Variants in MFSD11 observed in about 807,000 individuals in gnomAD.
MFSD11 encodes UNC93-like protein MFSD11.
In MFSD11, 36 loss-of-function variants were observed where a neutral mutation model predicts 53.5. The ratio of observed to expected loss-of-function variants is 0.67; its 90% confidence interval spans 0.52 to 0.89. The LOEUF is 0.89. Among genes scored for constraint, MFSD11 ranks in the 40% least tolerant of loss-of-function variants. The probability of loss-of-function intolerance (pLI) is 0.00; values close to 1 mark genes in which losing one functional copy is unlikely to be tolerated. For missense variants in MFSD11, 530 were observed against 543.9 expected (o/e 0.97, Z 0.25); for synonymous variants, 186 against 184.9 (o/e 1.01, Z -0.05).
At chr17:76,740,261 T>C (rs2144069377) in intron 2 of MFSD11, among the ~76,000 whole-genome samples, 1 of 152,154 alleles carries the variant, frequency 6.6e-6, no homozygotes, top group East Asian at 1.9e-4. Context: ...TTACTTTGGA[T>C]TTATGAATAG....
chr17:76,778,269 T>A lies in MFSD11; in HGVS notation c.1267T>A (p.Phe423Ile). The change falls in exon 13 of 13, where the codon TTT becomes ATT. Residue 423 changes from phenylalanine to isoleucine, a missense_variant. Physicochemically the swap from Phe to Ile is conservative, Grantham distance 21. Coordinates refer to ENST00000685175, the MANE Select transcript of MFSD11 (RefSeq NM_001242532.5). ...WQLLVMVIFG[F>I]FGTISFFTVE... ...ACTCCTGGTCATGGTGATATTTGGG[T>A]TTTTTGGAACAATTTCTTTCTTCAC... The A allele has an allele frequency of 6.2e-7, 1 of 1,614,122 alleles. No individual in the cohort carries two copies. The highest frequency in any genetic ancestry group is 8.5e-7 in the Non-Finnish European group (1 of 1,180,018).
chr17:76,737,360 TA>T, upstream of MFSD11: 1 of 623,828 alleles, frequency 1.6e-6, no homozygotes. Context: ...TGCGCCCGTT[TA>T]TATCGCTCCT....
the MFSD11 span, among the ~76,000 whole-genome samples, chr17:76,797,426 C>A: frequency 1.3e-5 from 2 of 152,080 alleles, no homozygotes; most frequent in African/African-American, 4.8e-5. Flanking sequence ...TAAACTGTCA[C>A]GGCTCTAGTG....
intron 7 of MFSD11, among the ~76,000 whole-genome samples, chr17:76,745,616 A>C (rs1019392226): frequency 6.6e-6 from 1 of 152,212 alleles, no homozygotes; most frequent in African/African-American, 2.4e-5. Context: ...ACCACAAACC[A>C]GATCCATATA....
chr17:76,749,098 C>A (rs1422878567), intron 7 of MFSD11, among the ~76,000 whole-genome samples: 4 of 152,022 alleles, frequency 2.6e-5, no homozygotes, highest in African/African-American at 9.7e-5. Flanking sequence ...TATAATTCAC[C>A]CATCTAAAGT....
intron 8 of MFSD11, 151 bp downstream of exon 8, chr17:76,754,238 T>C (rs2079350237): frequency 1.6e-6 from 1 of 610,136 alleles, no homozygotes; most frequent in Non-Finnish European, 2.9e-6. Flanking sequence ...ATCTTCCTTA[T>C]CAACATCTCT....
At chr17:76,773,587 T>C (rs1345770009) in intron 10 of MFSD11, among the ~76,000 whole-genome samples, 1 of 152,212 alleles carries the variant, frequency 6.6e-6, no homozygotes, top group Non-Finnish European at 1.5e-5. Context: ...TGTTTTGTTT[T>C]GTTTTTACTG....
At chr17:76,736,756 CGCG>C (rs1187613573), upstream of MFSD11, 4 of 1,396,774 alleles carry the variant, frequency 2.9e-6, no homozygotes, top group Admixed American at 1.3e-4. Flanking sequence ...GGGCCTCCCG[CGCG>C]CCCCGCCCCG....
At chr17:76,761,453 C>T (rs1944724009) in intron 8 of MFSD11, among the ~76,000 whole-genome samples, 1 of 152,016 alleles carries the variant, frequency 6.6e-6, no homozygotes, top group South Asian at 2.1e-4. Flanking sequence ...TAATAGATTA[C>T]CCTAGCCATA....
upstream of MFSD11, chr17:76,737,809 T>C (rs1004288611): frequency 1.2e-4 from 20 of 161,462 alleles, no homozygotes; most frequent in Non-Finnish European, 2.4e-4. Context: ...CGTTCCTGAC[T>C]GCTCTTCGCC....
At position 76,738,304 on chromosome 17, in the gene MFSD11, A is replaced by T; in HGVS notation, c.-49A>T. ...CAGGATTGTCAGTGGCTTCGCCCCG[A>T]GGAGAGCTGACTGCCCTGGGCTGCT... On this transcript the variant is annotated 5_prime_UTR_variant, in exon 1 of 13. Coordinates refer to ENST00000685175, the MANE Select transcript of MFSD11 (RefSeq NM_001242532.5). The T allele has an allele frequency of 7.9e-7, 1 of 1,262,636 alleles. No individual in the cohort carries two copies. Among genetic ancestry groups the T allele is most frequent in the Non-Finnish European group, 1.2e-6 (1 of 865,568 alleles). 78.2% of individuals were successfully genotyped at this position (1,262,636 alleles called of 1,614,324 possible).
At chr17:76,745,226 C>T (rs1486853075) in intron 7 of MFSD11, among the ~76,000 whole-genome samples, 2 of 152,218 alleles carry the variant, frequency 1.3e-5, no homozygotes, top group African/African-American at 4.8e-5. Flanking sequence ...TCGCATTGAG[C>T]ATCCCATGCT....
chr17:76,759,553 T>TA (rs2079990404), intron 8 of MFSD11, among the ~76,000 whole-genome samples: 1 of 151,882 alleles, frequency 6.6e-6, no homozygotes, highest in African/African-American at 2.4e-5. Context: ...CCCGCAGGTT[T>TA]AAGCGATTCT....
rs759194156 is a variant in MFSD11, at chr17:76,741,077, A to G, written c.260+13A>G. 1.4e-6 allele frequency: 2 copies of G among 1,417,562 alleles called. No homozygotes were observed. Among genetic ancestry groups the G allele is most frequent in the Admixed American group, 3.4e-5 (2 of 58,942 alleles). 87.8% of individuals were successfully genotyped at this position (1,417,562 alleles called of 1,614,324 possible). ...GTTTATTTTACAGGTAAGTAGTGTA[A>G]TCTTGCACTTATTTAATCAGAACAC... On this transcript the variant is annotated intron_variant, in intron 3 of 12. Transcript: ENST00000685175.
chr17:76,743,627 T>G (rs1323731496), intron 6 of MFSD11, among the ~76,000 whole-genome samples, 171 bp downstream of exon 6: 1 of 152,160 alleles, frequency 6.6e-6, no homozygotes, highest in Non-Finnish European at 1.5e-5. Context: ...ATTATTATTA[T>G]TATTTTGAGA....
rs771524924 is a variant in MFSD11 at position 76,738,300 on chromosome 17, C to G, written c.-53C>G. ...TCTCCAGGATTGTCAGTGGCTTCGC[C>G]CCGAGGAGAGCTGACTGCCCTGGGC... On this transcript the variant is annotated 5_prime_UTR_variant, in exon 1 of 13. Transcript: ENST00000685175. 1 of 1,225,312 alleles carries G rather than the reference C, an allele frequency of 8.2e-7. No homozygotes were observed. Among genetic ancestry groups the G allele is most frequent in the Non-Finnish European group, 1.2e-6 (1 of 833,292 alleles). 75.9% of individuals were successfully genotyped at this position (1,225,312 alleles called of 1,614,324 possible).
chr17:76,798,531 A>G, the MFSD11 span, among the ~76,000 whole-genome samples: 40 of 152,272 alleles, frequency 2.6e-4, no homozygotes, highest in African/African-American at 9.4e-4. Context: ...ACCTCAGTAC[A>G]TGTGTTATCA....
At chr17:76,789,115 C>T in the MFSD11 span, among the ~76,000 whole-genome samples, 1 of 150,038 alleles carries the variant, frequency 6.7e-6, no homozygotes, top group Non-Finnish European at 1.5e-5. Flanking sequence ...GCACTCCAGC[C>T]TGGGTGACAG....
At chr17:76,792,915 C>G in the MFSD11 span, among the ~76,000 whole-genome samples, 1 of 151,284 alleles carries the variant, frequency 6.6e-6, no homozygotes, top group African/African-American at 2.5e-5. Context: ...CATCACATGT[C>G]GGTAGGTTCC....
Sources: allele counts gnomAD v4.1 joint callset (sites outside exome capture counted in the v4.1 genomes callset), GRCh38; gene constraint gnomAD v4.1.1; transcripts MANE v1.5; gene names NCBI Gene and HGNC (gene_info 2026-07-23, HGNC 2026-07-21).